The following SIPA1L1 variants were observed in gnomAD, a reference collection of about 807,000 sequenced individuals.
SIPA1L1 encodes the protein signal induced proliferation associated 1 like 1.
A neutral mutation model predicts 162.7 loss-of-function variants in SIPA1L1; 26 were observed. The observed-to-expected ratio is 0.16, with a 90% CI of 0.12 to 0.22. SIPA1L1 has a LOEUF of 0.22. Among genes scored for constraint, SIPA1L1 ranks in the 10% least tolerant of loss-of-function variants. The pLI is 1.00. For synonymous variants in SIPA1L1, 829 were observed against 837.4 expected, an observed-to-expected ratio of 0.99 and a Z score of 0.17; for missense variants, 1,874 against 2,241.0, an observed-to-expected ratio of 0.84 and a Z score of 3.31.
rs1436129049 is a variant in SIPA1L1, at chr14:71,482,642, GAATTTAGTACTTTTTTC to G, written c.-464-30099_-464-30083del. 5.3e-5 allele frequency among the ~76,000 whole-genome samples: 8 copies of G among 152,256 alleles called. No individual in the cohort carries two copies. In the East Asian group the frequency reaches 5.8e-4, roughly 11 times the overall value. ...TTAGACAGGATTAGAGAGGAGAGAA[GAATTTAGTACTTTTTTC>G]ATAGGGATGAATTAGGGCTCTGATG... On this transcript the variant is annotated intron_variant, in intron 2 of 23. Coordinates refer to ENST00000381232, the MANE Select transcript of SIPA1L1 (RefSeq NM_001386936.1).
At chr14:71,359,630 A>G (rs1247804830) in intron 2 of SIPA1L1, among the ~76,000 whole-genome samples, 1 of 152,238 alleles carries the variant, frequency 6.6e-6, no homozygotes, top group Non-Finnish European at 1.5e-5. Flanking sequence ...TCCTACTGGT[A>G]AAATGACAGA....
chr14:71,668,728 C>A (rs979829476), intron 10 of SIPA1L1, among the ~76,000 whole-genome samples: 1 of 152,154 alleles, frequency 6.6e-6, no homozygotes, highest in Non-Finnish European at 1.5e-5. Context: ...CTGAGTAGAA[C>A]ATTCCAGTCC....
chr14:71,331,932 A>G (rs1423942616), intron 2 of SIPA1L1, among the ~76,000 whole-genome samples: 2 of 152,246 alleles, frequency 1.3e-5, no homozygotes, highest in Non-Finnish European at 2.9e-5. Flanking sequence ...TGAAGCCAGA[A>G]CAGCAAATTT....
chr14:71,426,788 A>G (rs149799955), intron 2 of SIPA1L1, among the ~76,000 whole-genome samples: 280 of 152,302 alleles, frequency 1.8e-3, no homozygotes, highest in Non-Finnish European at 2.5e-3. Flanking sequence ...CACTGCACCC[A>G]GCCTGAATTT....
At chr14:71,470,128 T>G (rs1342262269) in intron 2 of SIPA1L1, among the ~76,000 whole-genome samples, 6 of 152,244 alleles carry the variant, frequency 3.9e-5, no homozygotes, top group Non-Finnish European at 8.8e-5. Flanking sequence ...GTAACATTTC[T>G]TCACACCAAG....
At chr14:71,489,616 T>A (rs1255058377) in intron 2 of SIPA1L1, among the ~76,000 whole-genome samples, 1 of 152,042 alleles carries the variant, frequency 6.6e-6, no homozygotes, top group South Asian at 2.1e-4. Flanking sequence ...TCCAATCTTT[T>A]GGCTTCCCTG....
At chr14:71,541,461 C>T (rs906143058) in intron 4 of SIPA1L1, among the ~76,000 whole-genome samples, 3 of 152,096 alleles carry the variant, frequency 2.0e-5, no homozygotes, top group Non-Finnish European at 4.4e-5. Flanking sequence ...ATGTTTCTTT[C>T]TATAAAAGTT....
intron 4 of SIPA1L1, among the ~76,000 whole-genome samples, chr14:71,566,050 G>A (rs2030481409): frequency 6.6e-6 from 1 of 151,472 alleles, no homozygotes; most frequent in Admixed American, 6.6e-5. Context: ...GTCTAACTAG[G>A]GAAATTAAAG....
intron 2 of SIPA1L1, among the ~76,000 whole-genome samples, chr14:71,380,642 A>G (rs1390759813): frequency 6.6e-6 from 1 of 152,206 alleles, no homozygotes; most frequent in African/African-American, 2.4e-5. Context: ...GAAGAAATCT[A>G]AAATCTATGC....
intron 2 of SIPA1L1, among the ~76,000 whole-genome samples, chr14:71,466,365 G>T (rs956588888): frequency 2.4e-4 from 36 of 152,140 alleles, no homozygotes; most frequent in Admixed American, 1.9e-3. Flanking sequence ...GAAGACAGGC[G>T]GATTGCATCT....
At chr14:71,593,682 C>A (rs2035688239) in intron 5 of SIPA1L1, among the ~76,000 whole-genome samples, 1 of 152,198 alleles carries the variant, frequency 6.6e-6, no homozygotes, top group African/African-American at 2.4e-5. Context: ...CACAGGACTT[C>A]TTCAATTTTG....
Position 71,552,395 on chromosome 14 carries a change from C to CT in SIPA1L1, c.-303+23039dup, listed in dbSNP as rs1018604407. Among the ~76,000 whole-genome samples the CT allele has an allele frequency of 6.8e-3, 973 of 142,062 alleles. 11 individuals are homozygous for CT. The highest frequency in any genetic ancestry group is 0.015 in the African/African-American group (566 of 38,982). 93.2% of individuals were successfully genotyped at this position (142,062 alleles called of 152,430 possible). On this transcript the variant is annotated intron_variant, in intron 4 of 23. Coordinates refer to ENST00000381232, the MANE Select transcript of SIPA1L1 (RefSeq NM_001386936.1). ...AAATGTATTTTCCCATACCCTATTT[C>CT]TTTTTTTTTTTTTTGAGACGGAGTC... is the stretch of plus-strand genomic sequence containing the variant.
intron 7 of SIPA1L1, among the ~76,000 whole-genome samples, chr14:71,646,301 C>A (rs919067290): frequency 6.6e-6 from 1 of 151,968 alleles, no homozygotes; most frequent in Non-Finnish European, 1.5e-5. Flanking sequence ...CTCAGCCTCC[C>A]GAGTAGCTGG....
At chr14:71,551,062 G>A (rs2055779601) in intron 4 of SIPA1L1, among the ~76,000 whole-genome samples, 1 of 152,090 alleles carries the variant, frequency 6.6e-6, no homozygotes, top group South Asian at 2.1e-4. Context: ...CCCTCTGCCT[G>A]GAACATTCAT....
At chr14:71,400,274 A>G (rs913026425) in intron 2 of SIPA1L1, among the ~76,000 whole-genome samples, 20 of 152,192 alleles carry the variant, frequency 1.3e-4, no homozygotes, top group African/African-American at 4.6e-4. Context: ...CTGGGGGATT[A>G]GGACTATCTG....
At chr14:71,578,443 C>T (rs2033444639) in intron 4 of SIPA1L1, among the ~76,000 whole-genome samples, 1 of 152,116 alleles carries the variant, frequency 6.6e-6, no homozygotes, top group African/African-American at 2.4e-5. Flanking sequence ...AATAATGCAG[C>T]GATTGTGGCA....
At chr14:71,647,110 T>A (rs2042237425) in intron 7 of SIPA1L1, among the ~76,000 whole-genome samples, 1 of 152,112 alleles carries the variant, frequency 6.6e-6, no homozygotes, top group South Asian at 2.1e-4. Context: ...TTGATCTAAT[T>A]GGAGTAGAAA....
chr14:71,363,044 C>G (rs920604858), intron 2 of SIPA1L1, among the ~76,000 whole-genome samples: 5 of 152,202 alleles, frequency 3.3e-5, no homozygotes, highest in Admixed American at 1.3e-4. Context: ...CACTCACAGT[C>G]TCACTCATTT....
Position 71,671,629 on chromosome 14 carries a change from A to T in SIPA1L1, c.2766A>T (p.Glu922Asp), listed in dbSNP as rs140462715. The T allele has an allele frequency of 8.5e-5, 138 of 1,614,046 alleles. No individual in the cohort carries two copies. In the East Asian group the frequency reaches 3.0e-3, roughly 35 times the overall value. Reference sequence around the variant, plus strand: ...TCAAAATCTTCTATGAACGAGGAGAATGTGTTTCAGTGGGTAGTTTTATTA... The same window carrying T: ...TCAAAATCTTCTATGAACGAGGAGATTGTGTTTCAGTGGGTAGTTTTATTA... ...TSLKIFYERG[E>D]CVSVGSFINI... is the part of the protein sequence containing the mutation. Residue 922 changes from glutamate to aspartate, a missense_variant, in exon 11 of 24, where the codon GAA (glutamate) becomes GAT (aspartate). Physicochemically the swap from Glu to Asp is conservative, Grantham distance 45 (BLOSUM62 2). Coordinates refer to ENST00000381232, the MANE Select transcript of SIPA1L1 (RefSeq NM_001386936.1).
Sources: gnomAD v4.1 joint callset for allele counts (sites outside exome capture counted in the v4.1 genomes callset) on GRCh38, gnomAD v4.1.1 for gene constraint, MANE v1.5 for transcripts, NCBI Gene and HGNC (gene_info 2026-07-23, HGNC 2026-07-21) for gene names.